NCAM2: variants seen among roughly 807,000 people sequenced by gnomAD.
The protein encoded by NCAM2 is neural cell adhesion molecule 2.
A neutral mutation model predicts 98.1 loss-of-function variants in NCAM2; 30 were observed. The observed-to-expected ratio is 0.31, with a 90% CI of 0.23 to 0.41. NCAM2 has a LOEUF of 0.41. NCAM2 is among the 10% of genes least tolerant of loss of function. NCAM2 has a pLI of 1.00. For missense variants in NCAM2, 867 were observed against 1,005.8 expected, an observed-to-expected ratio of 0.86 and a Z score of 1.87; for synonymous variants, 368 against 342.4, an observed-to-expected ratio of 1.07 and a Z score of -0.83.
At chr21:21,409,658 A>T (rs538148892) in intron 9 of NCAM2, among the ~76,000 whole-genome samples, 10 of 152,344 alleles carry the variant, frequency 6.6e-5, no homozygotes, top group South Asian at 6.2e-4. Context: ...AACATAGTCA[A>T]TATGTATTTT....
At chr21:21,017,439 A>AAG (rs2064334048) in intron 1 of NCAM2, among the ~76,000 whole-genome samples, 1 of 150,512 alleles carries the variant, frequency 6.6e-6, no homozygotes, top group African/African-American at 2.4e-5. Flanking sequence ...AAAAAAAAAA[A>AAG]AAAAAAAAAG....
At chr21:21,044,808 T>C (rs200455753) in intron 1 of NCAM2, among the ~76,000 whole-genome samples, 1 of 140,282 alleles carries the variant, frequency 7.1e-6, no homozygotes, top group Admixed American at 7.2e-5. Flanking sequence ...TCTACAAAAA[T>C]AAAAAAATTT....
intron 1 of NCAM2, among the ~76,000 whole-genome samples, chr21:21,124,148 G>A (rs978140871): frequency 1.3e-5 from 2 of 151,902 alleles, no homozygotes; most frequent in Non-Finnish European, 2.9e-5. Context: ...CGCCCGTCCT[G>A]ATTGCTTTCT....
At chr21:21,142,119 A>G (rs929807973) in intron 1 of NCAM2, among the ~76,000 whole-genome samples, 1 of 152,148 alleles carries the variant, frequency 6.6e-6, no homozygotes, top group Non-Finnish European at 1.5e-5. Context: ...TTAAAGTAAC[A>G]TTTGCTTTAT....
chr21:21,165,760 A>G (rs1248914873), intron 1 of NCAM2, among the ~76,000 whole-genome samples: 1 of 152,248 alleles, frequency 6.6e-6, no homozygotes, highest in African/African-American at 2.4e-5. Context: ...AGAACAAATC[A>G]GTAAAAATTA....
chr21:21,089,047 G>A (rs1460596992), intron 1 of NCAM2, among the ~76,000 whole-genome samples: 1 of 149,914 alleles, frequency 6.7e-6, no homozygotes, highest in Non-Finnish European at 1.5e-5. Context: ...TTACAATTTT[G>A]GTATTTAGCT....
chr21:21,305,897 A>G (rs1318054027), intron 5 of NCAM2, among the ~76,000 whole-genome samples: 2 of 152,074 alleles, frequency 1.3e-5, no homozygotes, highest in Non-Finnish European at 2.9e-5. Flanking sequence ...ATAATTCCCT[A>G]TATGTCTACT....
At chr21:21,507,100 C>T (rs1207777004) in intron 15 of NCAM2, among the ~76,000 whole-genome samples, 2 of 150,654 alleles carry the variant, frequency 1.3e-5, no homozygotes, top group East Asian at 3.9e-4. Context: ...TAACTTAAAC[C>T]TATTTTTTGA....
chr21:21,532,653 A>C (rs1291182860), intron 16 of NCAM2, among the ~76,000 whole-genome samples: 1 of 152,154 alleles, frequency 6.6e-6, no homozygotes, highest in Non-Finnish European at 1.5e-5. Context: ...AAAATGTTTG[A>C]ATCATTTTCT....
intron 5 of NCAM2, among the ~76,000 whole-genome samples, chr21:21,302,175 C>T (rs1029862677): frequency 7.3e-5 from 11 of 151,422 alleles, no homozygotes; most frequent in African/African-American, 1.7e-4. Flanking sequence ...ATGTTTATTG[C>T]GGCATTATTC....
chr21:21,239,025 C>T (rs973953843), intron 1 of NCAM2, among the ~76,000 whole-genome samples: 2 of 151,946 alleles, frequency 1.3e-5, no homozygotes, highest in Non-Finnish European at 2.9e-5. Context: ...TATTTCAAAA[C>T]GTTGTCAGCA....
At chr21:21,498,080 AATTT>A (rs1569120271) in intron 15 of NCAM2, among the ~76,000 whole-genome samples, 1 of 152,088 alleles carries the variant, frequency 6.6e-6, no homozygotes, top group East Asian at 1.9e-4. Flanking sequence ...AAACTTTTAT[AATTT>A]ATTTATAGAT....
intron 1 of NCAM2, among the ~76,000 whole-genome samples, chr21:21,033,960 A>C (rs2146233914): frequency 6.6e-6 from 1 of 151,766 alleles, no homozygotes; most frequent in African/African-American, 2.4e-5. Flanking sequence ...CCCCCATTCG[A>C]AACTTTATTT....
intron 1 of NCAM2, among the ~76,000 whole-genome samples, chr21:21,013,024 C>G (rs894715385): frequency 1.3e-5 from 2 of 152,152 alleles, no homozygotes; most frequent in African/African-American, 4.8e-5. Context: ...TTCAGACCTT[C>G]CATTCCCTGA....
intron 1 of NCAM2, among the ~76,000 whole-genome samples, chr21:21,142,331 AT>A (rs2067183575): frequency 6.8e-6 from 1 of 146,794 alleles, no homozygotes; most frequent in Non-Finnish European, 1.5e-5. Flanking sequence ...AACTACAAAT[AT>A]ATGTTTAACT....
intron 1 of NCAM2, among the ~76,000 whole-genome samples, chr21:21,190,465 C>T (rs2068785112): frequency 6.6e-6 from 1 of 152,138 alleles, no homozygotes; most frequent in African/African-American, 2.4e-5. Flanking sequence ...TTCAGTGTGG[C>T]AATAGGATAA....
intron 1 of NCAM2, among the ~76,000 whole-genome samples, chr21:21,256,393 A>G (rs1288116108): frequency 2.6e-5 from 4 of 152,164 alleles, no homozygotes; most frequent in Non-Finnish European, 4.4e-5. Flanking sequence ...TAATATTTCT[A>G]ATTACTAGCC....
intron 1 of NCAM2, among the ~76,000 whole-genome samples, chr21:21,008,071 C>T (rs1176849775): frequency 6.6e-6 from 1 of 152,088 alleles, no homozygotes; most frequent in Admixed American, 6.6e-5. Context: ...AAGTATCATG[C>T]ATGAGAGAAA....
intron 8 of NCAM2, among the ~76,000 whole-genome samples, chr21:21,370,394 T>C (rs2075889009): frequency 1.3e-5 from 2 of 151,926 alleles, no homozygotes; most frequent in Admixed American, 1.3e-4. Context: ...AACCAAATAT[T>C]GTACATGCCA....
Sources: gnomAD v4.1 joint callset for allele counts (sites outside exome capture counted in the v4.1 genomes callset) on GRCh38, gnomAD v4.1.1 for gene constraint, MANE v1.5 for transcripts, NCBI Gene and HGNC (gene_info 2026-07-23, HGNC 2026-07-21) for gene names.